The following DCC variants were observed in gnomAD, a reference collection of about 807,000 sequenced individuals.
DCC encodes netrin receptor DCC.
DCC carries 58 observed loss-of-function variants against 172.5 expected under a neutral mutation model. That is an observed-to-expected ratio of 0.34 (90% CI 0.27 to 0.42). DCC has a LOEUF of 0.42. Ranked by LOEUF, DCC falls within the 10% of genes least tolerant of loss-of-function variation. The pLI, the probability that DCC is intolerant of heterozygous loss-of-function variation, is 1.00. For missense variants in DCC, 1,740 were observed against 1,791.0 expected (o/e 0.97, Z 0.51); for synonymous variants, 709 against 644.5 (o/e 1.10, Z -1.52).
chr18:53,162,389 T>C (rs1040438984), intron 8 of DCC, among the ~76,000 whole-genome samples: 3 of 152,132 alleles, frequency 2.0e-5, no homozygotes, highest in African/African-American at 7.2e-5. Flanking sequence ...CAAGTCTCAT[T>C]GGAACTATTG....
At chr18:52,592,874 G>T (rs2033828873) in intron 1 of DCC, among the ~76,000 whole-genome samples, 1 of 152,064 alleles carries the variant, frequency 6.6e-6, no homozygotes, top group African/African-American at 2.4e-5. Context: ...CAAACTCCTG[G>T]CTTCAAGTGA....
At chr18:52,614,481 G>T (rs1333604012) in intron 1 of DCC, among the ~76,000 whole-genome samples, 4 of 152,108 alleles carry the variant, frequency 2.6e-5, no homozygotes, top group Admixed American at 1.3e-4. Context: ...AGTAATAGTG[G>T]TTTTTGCCCA....
At chr18:53,200,181 C>A (rs185197210) in intron 9 of DCC, among the ~76,000 whole-genome samples, 41 of 152,204 alleles carry the variant, frequency 2.7e-4, no homozygotes, top group African/African-American at 9.6e-4. Context: ...GATATTTCCC[C>A]GCCAATAGTA....
chr18:52,840,190 G>A (rs1159923064), intron 2 of DCC, among the ~76,000 whole-genome samples: 1 of 152,152 alleles, frequency 6.6e-6, no homozygotes, highest in Non-Finnish European at 1.5e-5. Context: ...TTGCCCAACT[G>A]TTCAATTCCT....
At chr18:52,437,747 C>G (rs913715248) in intron 1 of DCC, among the ~76,000 whole-genome samples, 2 of 152,168 alleles carry the variant, frequency 1.3e-5, no homozygotes, top group Non-Finnish European at 2.9e-5. Context: ...TGTCTCTTCC[C>G]AGGCAAAATT....
chr18:53,125,396 C>T (rs2043541250), intron 7 of DCC, among the ~76,000 whole-genome samples: 2 of 152,094 alleles, frequency 1.3e-5, no homozygotes, highest in South Asian at 4.1e-4. Context: ...TTGGCTCTGA[C>T]ACTGCCAAGT....
intron 5 of DCC, among the ~76,000 whole-genome samples, chr18:52,948,125 T>C (rs1380973856): frequency 6.6e-6 from 1 of 152,172 alleles, no homozygotes; most frequent in Non-Finnish European, 1.5e-5. Context: ...TCTAAAAGAA[T>C]GTTGTTACTG....
chr18:52,546,473 CTACT>C, intron 1 of DCC, among the ~76,000 whole-genome samples: 1 of 152,162 alleles, frequency 6.6e-6, no homozygotes, highest in South Asian at 2.1e-4. Flanking sequence ...CAGACAACAC[CTACT>C]TACCTCTGAC....
intron 2 of DCC, among the ~76,000 whole-genome samples, chr18:52,838,967 G>A (rs1400067689): frequency 1.3e-5 from 2 of 152,132 alleles, no homozygotes; most frequent in Non-Finnish European, 2.9e-5. Context: ...AGTAAAGATG[G>A]AAATCAATGT....
intron 1 of DCC, among the ~76,000 whole-genome samples, chr18:52,743,345 G>T (rs941587360): frequency 1.3e-5 from 2 of 152,154 alleles, no homozygotes; most frequent in Admixed American, 1.3e-4. Flanking sequence ...AGGGAAGAAG[G>T]CTCAAACCCA....
At chr18:52,411,923 A>T (rs565367784) in intron 1 of DCC, among the ~76,000 whole-genome samples, 2 of 152,216 alleles carry the variant, frequency 1.3e-5, no homozygotes, top group South Asian at 2.1e-4. Flanking sequence ...CAAATATTCC[A>T]TGCATCTCAG....
At chr18:53,100,629 G>A (rs1158645445) in intron 7 of DCC, among the ~76,000 whole-genome samples, 1 of 151,858 alleles carries the variant, frequency 6.6e-6, no homozygotes, top group African/African-American at 2.4e-5. Context: ...AGGTGGGGAA[G>A]AAAGGAGAAA....
intron 22 of DCC, 115 bp from the exon 23 acceptor site, chr18:53,450,385 C>T: frequency 1.8e-6 from 2 of 1,099,528 alleles, no homozygotes; most frequent in South Asian, 2.6e-5. Flanking sequence ...CCCATCACTA[C>T]CCCTAAGTTC....
At chr18:52,543,211 C>G (rs1197518386) in intron 1 of DCC, among the ~76,000 whole-genome samples, 1 of 152,112 alleles carries the variant, frequency 6.6e-6, no homozygotes, top group Non-Finnish European at 1.5e-5. Flanking sequence ...TAACCATATT[C>G]AAAAAGTAGA....
intron 2 of DCC, among the ~76,000 whole-genome samples, chr18:52,830,146 G>GGA (rs1312562910): frequency 6.6e-6 from 1 of 152,180 alleles, no homozygotes; most frequent in Non-Finnish European, 1.5e-5. Context: ...AAGATGCAGT[G>GGA]GAGATACAAT....
chr18:52,388,393 C>A (rs964128642), intron 1 of DCC, among the ~76,000 whole-genome samples: 1 of 152,046 alleles, frequency 6.6e-6, no homozygotes, highest in Non-Finnish European at 1.5e-5. Flanking sequence ...TCTCCAGATT[C>A]CAGGATCAGA....
In DCC at chr18:53,025,387, A is replaced by C. The variant is rs895074224; in HGVS notation, c.986-37918A>C. Among the ~76,000 whole-genome samples, 4 of 152,108 alleles carry C rather than the reference A, an allele frequency of 2.6e-5. No individual in the cohort carries two copies. The South Asian group carries it at 8.3e-4, about 32-fold the overall frequency. On this transcript the variant is annotated intron_variant, in intron 5 of 28. Transcript: ENST00000442544. ...TGTAGGAGTATACCTAAAATGGAAG[A>C]GAGATGAATGGGTATCAGTTAACAG...
chr18:53,420,738 CA>C (rs1276165226), intron 21 of DCC, among the ~76,000 whole-genome samples: 5 of 152,108 alleles, frequency 3.3e-5, no homozygotes, highest in Admixed American at 3.3e-4. Context: ...GCCCTATATT[CA>C]AATATAATCA....
intron 1 of DCC, among the ~76,000 whole-genome samples, chr18:52,438,372 G>A (rs560221268): frequency 6.6e-6 from 1 of 152,286 alleles, no homozygotes; most frequent in South Asian, 2.1e-4. Context: ...TTCAACAGAT[G>A]TTATGTTGGG....
Sources: gnomAD v4.1 joint callset for allele counts (sites outside exome capture counted in the v4.1 genomes callset) on GRCh38, gnomAD v4.1.1 for gene constraint, MANE v1.5 for transcripts, NCBI Gene and HGNC (gene_info 2026-07-23, HGNC 2026-07-21) for gene names.